The following CFAP251 variants were observed in gnomAD, a reference collection of about 807,000 sequenced individuals.
The protein encoded by CFAP251 is cilia and flagella associated protein 251.
A neutral mutation model predicts 126.7 loss-of-function variants in CFAP251; 93 were observed. The observed-to-expected ratio is 0.73, with a 90% CI of 0.62 to 0.87. CFAP251 has a LOEUF of 0.87. Among genes scored for constraint, CFAP251 ranks in the 40% least tolerant of loss-of-function variants. The pLI, the probability that CFAP251 is intolerant of heterozygous loss-of-function variation, is 0.00. For missense variants in CFAP251, 1,287 were observed against 1,389.2 expected (o/e 0.93, Z 1.17); for synonymous variants, 503 against 506.9 (o/e 0.99, Z 0.10).
At chr12:121,998,918 A>AAAAAAAAAAAAAAAG (rs1555221247) in intron 19 of CFAP251, 1 of 141,476 alleles carries the variant, frequency 7.1e-6, no homozygotes, top group African/African-American at 2.7e-5. Context: ...AAAAAAAAAA[A>AAAAAAAAAAAAAAAG]GGGGGAAGTG....
At chr12:122,001,336 A>C (rs1167419464) in intron 20 of CFAP251, among the ~76,000 whole-genome samples, 161 bp from the exon 21 acceptor site, 1 of 151,968 alleles carries the variant, frequency 6.6e-6, no homozygotes. Flanking sequence ...GATTACAGGC[A>C]TGAGCCACCA....
chr12:122,002,972 C>T (rs545852527), intron 21 of CFAP251, among the ~76,000 whole-genome samples: 2 of 152,182 alleles, frequency 1.3e-5, no homozygotes, highest in Admixed American at 6.5e-5. Context: ...CATTCCCAAC[C>T]TGCAAGCTCT....
chr12:121,938,800 T>C (rs911155670), intron 5 of CFAP251, among the ~76,000 whole-genome samples: 1 of 150,336 alleles, frequency 6.7e-6, no homozygotes, highest in Admixed American at 6.6e-5. Flanking sequence ...CTGGCCAACA[T>C]GGTGAAACCC....
chr12:121,951,594 C>T, intron 9 of CFAP251, 64 bp downstream of exon 9: 1 of 1,253,204 alleles, frequency 8.0e-7, no homozygotes, highest in Admixed American at 1.9e-5. Flanking sequence ...TATGTGCAAG[C>T]TTAGCTGCTT....
chr12:121,937,586 G>C (rs2135758255), intron 5 of CFAP251, among the ~76,000 whole-genome samples: 2 of 152,286 alleles, frequency 1.3e-5, no homozygotes, highest in Middle Eastern at 3.4e-3. Flanking sequence ...CTGAGGCAGA[G>C]AGCAGTCAGA....
intron 10 of CFAP251, among the ~76,000 whole-genome samples, chr12:121,956,096 A>G (rs1881718061): frequency 6.6e-6 from 1 of 152,166 alleles, no homozygotes; most frequent in Non-Finnish European, 1.5e-5. Context: ...TAAAAAGCCC[A>G]TTTGGGATGG....
At chr12:121,981,848 G>A (rs1882631034) in intron 19 of CFAP251, among the ~76,000 whole-genome samples, 1 of 152,050 alleles carries the variant, frequency 6.6e-6, no homozygotes, top group Non-Finnish European at 1.5e-5. Context: ...GTTACGACTT[G>A]GTCAAGTTTC....
At chr12:121,956,948 G>A (rs993265601) in intron 10 of CFAP251, 126 bp from the exon 11 acceptor site, 21 of 647,448 alleles carry the variant, frequency 3.2e-5, no homozygotes, top group Middle Eastern at 4.3e-4. Context: ...AATCATTCTC[G>A]TTGGGAGTAT....
At chr12:121,995,573 G>C (rs147801174) in intron 19 of CFAP251, among the ~76,000 whole-genome samples, 3 of 152,210 alleles carry the variant, frequency 2.0e-5, no homozygotes, top group Non-Finnish European at 4.4e-5. Flanking sequence ...CACAATCAGG[G>C]CTCACTGCAG....
chr12:121,988,376 C>T (rs1283016223), intron 19 of CFAP251, among the ~76,000 whole-genome samples: 4 of 152,194 alleles, frequency 2.6e-5, no homozygotes, highest in African/African-American at 9.7e-5. Flanking sequence ...ACCCCAGACC[C>T]ATGAGCACTC....
chr12:121,951,723 T>TA (rs923520323), intron 9 of CFAP251, among the ~76,000 whole-genome samples, 193 bp downstream of exon 9: 2 of 152,110 alleles, frequency 1.3e-5, no homozygotes, highest in African/African-American at 4.8e-5. Context: ...TTGTTAAAAA[T>TA]AATTTTTTTT....
At chr12:121,930,046 G>A (rs1880617445) in intron 3 of CFAP251, among the ~76,000 whole-genome samples, 1 of 152,112 alleles carries the variant, frequency 6.6e-6, no homozygotes, top group Admixed American at 6.6e-5. Context: ...CATGTAATAT[G>A]CAGTCTTTTC....
intron 3 of CFAP251, among the ~76,000 whole-genome samples, chr12:121,930,030 TG>T (rs1329699734): frequency 6.6e-6 from 1 of 152,208 alleles, no homozygotes; most frequent in African/African-American, 2.4e-5. Flanking sequence ...AAGTCATAGT[TG>T]GAATCATGTA....
chr12:121,920,946 T>C (rs1245638052), intron 1 of CFAP251, among the ~76,000 whole-genome samples: 1 of 151,618 alleles, frequency 6.6e-6, no homozygotes, highest in African/African-American at 2.4e-5. Context: ...CCTCCCAGGT[T>C]CAAGCGATTC....
chr12:121,928,334 C>T (rs1880499472), intron 3 of CFAP251, among the ~76,000 whole-genome samples: 1 of 151,834 alleles, frequency 6.6e-6, no homozygotes, highest in Non-Finnish European at 1.5e-5. Context: ...CTCACACCCA[C>T]ACAATAAGAG....
chr12:121,919,908 G>A (rs754203124), intron 1 of CFAP251, among the ~76,000 whole-genome samples: 9 of 152,160 alleles, frequency 5.9e-5, no homozygotes, highest in African/African-American at 1.7e-4. Flanking sequence ...CCAGCTGCGC[G>A]TGATGGCTCA....
At chr12:121,963,368 G>A (rs903853823) in intron 15 of CFAP251, among the ~76,000 whole-genome samples, 1 of 152,008 alleles carries the variant, frequency 6.6e-6, no homozygotes, top group Admixed American at 6.6e-5. Flanking sequence ...GGGTCAGACT[G>A]GACAAGGCAA....
chr12:122,001,216 C>G (rs374127528), intron 20 of CFAP251, among the ~76,000 whole-genome samples: 9 of 151,588 alleles, frequency 5.9e-5, no homozygotes, highest in Non-Finnish European at 8.8e-5. Flanking sequence ...CCACCACACC[C>G]GGCTAATTTT....
At position 121,958,260 on chromosome 12, in the gene CFAP251, C is replaced by T. The variant is rs1433467786; in HGVS notation, c.1731-12C>T. The T allele has an allele frequency of 1.2e-6, 2 of 1,613,682 alleles. No homozygotes were observed. The highest frequency in any genetic ancestry group is 2.7e-5 in the African/African-American group (2 of 74,930). On this transcript the variant is annotated splice_polypyrimidine_tract_variant and intron_variant, in intron 11 of 21. Coordinates refer to ENST00000288912, the MANE Select transcript of CFAP251 (RefSeq NM_144668.6). ...AAACACTGATATTGTTTGGTCTCTC[C>T]TTGGCAAACAGGAATTTTATCATTG...
Sources: gnomAD v4.1 joint callset for allele counts (sites outside exome capture counted in the v4.1 genomes callset) on GRCh38, gnomAD v4.1.1 for gene constraint, MANE v1.5 for transcripts, NCBI Gene and HGNC (gene_info 2026-07-23, HGNC 2026-07-21) for gene names.